The following IFT43 variants were observed in gnomAD, a reference collection of about 807,000 sequenced individuals.
IFT43 encodes the protein intraflagellar transport 43.
IFT43 carries 33 observed loss-of-function variants against 32.3 expected under a neutral mutation model. The observed-to-expected ratio is 1.02, with a 90% CI of 0.77 to 1.37. The LOEUF is 1.37. IFT43 is among the 40% of genes most tolerant of loss of function. IFT43 has a pLI of 0.00. For missense variants in IFT43, 274 were observed against 265.9 expected (o/e 1.03, Z -0.21); for synonymous variants, 93 against 98.2 (o/e 0.95, Z 0.31).
At chr14:76,006,930 C>T (rs115127106) in intron 2 of IFT43, among the ~76,000 whole-genome samples, 2,006 of 150,420 alleles carry the variant, frequency 0.013, 52 homozygotes, top group African/African-American at 0.042. Flanking sequence ...GGATCATGGC[C>T]CACTGGAGCC....
chr14:75,988,675 C>T (rs983515800), intron 1 of IFT43, among the ~76,000 whole-genome samples: 2 of 152,180 alleles, frequency 1.3e-5, no homozygotes, highest in African/African-American at 2.4e-5. Flanking sequence ...CCCGCCACAA[C>T]GCCAGGCTAA....
chr14:75,987,088 G>A (rs566140218), intron 1 of IFT43, among the ~76,000 whole-genome samples: 3 of 152,292 alleles, frequency 2.0e-5, no homozygotes, highest in African/African-American at 7.2e-5. Flanking sequence ...GATCTATACA[G>A]GGTCTTCAAA....
rs559782763 is a variant in IFT43, at chr14:75,998,648, A to G, written c.147+9671A>G. On this transcript the variant is annotated intron_variant, in intron 2 of 8. Coordinates refer to ENST00000314067, the MANE Select transcript of IFT43 (RefSeq NM_001102564.3). Reference sequence around the variant, plus strand: ...GGGTCAGCAGTGTTTGATGCTGCCAAGAGGGTCCAGGAAGGGAAGGCCTGA... The same window carrying G: ...GGGTCAGCAGTGTTTGATGCTGCCAGGAGGGTCCAGGAAGGGAAGGCCTGA... 5.9e-5 allele frequency among the ~76,000 whole-genome samples: 9 copies of G among 152,262 alleles called. No individual in the cohort carries two copies. The South Asian group carries it at 8.3e-4, about 14-fold the overall frequency.
chr14:75,988,956 C>T lies in IFT43; in HGVS notation c.126C>T (p.Ser42=). Residue 42 remains serine (S), a synonymous_variant, in exon 2 of 9, where the codon TCC becomes TCT. Coordinates refer to ENST00000314067, the MANE Select transcript of IFT43 (RefSeq NM_001102564.3). ...AGAATCACCTCAATGGCAAGAATTC[C>T]TCTTTGACTCTGACTGGAGAGGTGG... ...QAENHLNGKN[S]SLTLTGETSS... 6.2e-7 allele frequency: 1 copy of T among 1,613,928 alleles called. No individual in the cohort carries two copies. Among genetic ancestry groups the T allele is most frequent in the Non-Finnish European group, 8.5e-7 (1 of 1,180,008 alleles).
chr14:76,000,262 CTTT>C (rs35001298), intron 2 of IFT43, among the ~76,000 whole-genome samples: 21 of 115,522 alleles, frequency 1.8e-4, no homozygotes, highest in African/African-American at 4.0e-4. Context: ...TAACTGGCTT[CTTT>C]TTTTTTTTTT....
At chr14:76,029,851 T>TTTTTATTTTA (rs58097236) in intron 3 of IFT43, among the ~76,000 whole-genome samples, 34,478 of 117,156 alleles carry the variant, frequency 0.29, 6,017 homozygotes, top group Non-Finnish European at 0.36. Flanking sequence ...TTTATTTTTA[T>TTTTTATTTTA]TTTTATTTTA....
Position 76,083,295 on chromosome 14 carries a change from G to C in IFT43, c.507+6G>C. 1 of 1,613,142 alleles carries C rather than the reference G, an allele frequency of 6.2e-7. No individual in the cohort carries two copies. On this transcript the variant is annotated splice_donor_region_variant and intron_variant, in intron 8 of 8. Coordinates refer to ENST00000314067, the MANE Select transcript of IFT43 (RefSeq NM_001102564.3). ...CGGAGCACGAAGTCCGGGAGGTACA[G>C]TGGTGGCAGCAATTCCCCGGTCTCT... is the stretch of plus-strand genomic sequence containing the variant.
Position 75,985,771 on chromosome 14 carries a change from T to G in IFT43, c.-16T>G. The G allele has an allele frequency of 6.2e-7, 1 of 1,614,082 alleles. No homozygotes were observed. The highest frequency in any genetic ancestry group is 8.5e-7 in the Non-Finnish European group (1 of 1,179,986). ...GCCAGTCGGTTTCCAGGAAGTGACGTCAGGCGGCCGCGGAGATGGAGGATT... is the reference window on the plus strand; with the variant it reads ...GCCAGTCGGTTTCCAGGAAGTGACGGCAGGCGGCCGCGGAGATGGAGGATT... On this transcript the variant is annotated 5_prime_UTR_variant, in exon 1 of 9. Transcript: ENST00000314067.
chr14:75,995,598 G>A (rs931437414), intron 2 of IFT43, among the ~76,000 whole-genome samples: 2 of 152,140 alleles, frequency 1.3e-5, no homozygotes, highest in East Asian at 1.9e-4. Flanking sequence ...TTTGCATTAC[G>A]TCTCTCGCCC....
chr14:76,046,687 A>C (rs1594843059), intron 3 of IFT43, among the ~76,000 whole-genome samples: 1 of 152,214 alleles, frequency 6.6e-6, no homozygotes, highest in African/African-American at 2.4e-5. Context: ...GCCTGAATTA[A>C]CTTACTTGAT....
At chr14:76,016,104 C>G (rs1354660024) in intron 2 of IFT43, among the ~76,000 whole-genome samples, 2 of 152,146 alleles carry the variant, frequency 1.3e-5, no homozygotes, top group Non-Finnish European at 2.9e-5. Flanking sequence ...TTGCAGATAT[C>G]TTCTCCTATA....
At chr14:75,999,245 A>ATATAAATTCATTT (rs2035811590) in intron 2 of IFT43, among the ~76,000 whole-genome samples, 21 of 23,132 alleles carry the variant, frequency 9.1e-4, no homozygotes, top group South Asian at 5.9e-3. Context: ...ATATATATAT[A>ATATAAATTCATTT]TATATATATA....
At chr14:75,997,350 G>T (rs550668443) in intron 2 of IFT43, among the ~76,000 whole-genome samples, 1 of 152,328 alleles carries the variant, frequency 6.6e-6, no homozygotes, top group South Asian at 2.1e-4. Context: ...TGACCTATAT[G>T]AGGTCAACAT....
chr14:76,015,159 C>T (rs988785215), intron 2 of IFT43, among the ~76,000 whole-genome samples: 7 of 152,072 alleles, frequency 4.6e-5, no homozygotes, highest in Non-Finnish European at 7.4e-5. Flanking sequence ...TAATTAAGTC[C>T]GTCTCATCCA....
intron 2 of IFT43, among the ~76,000 whole-genome samples, chr14:76,013,422 A>G (rs1161923157): frequency 6.6e-6 from 1 of 152,174 alleles, no homozygotes; most frequent in African/African-American, 2.4e-5. Flanking sequence ...CACCTCCGGA[A>G]AGGGAAGGCC....
chr14:76,051,389 G>A (rs986304491), intron 3 of IFT43, among the ~76,000 whole-genome samples: 1 of 151,720 alleles, frequency 6.6e-6, no homozygotes, highest in Admixed American at 6.6e-5. Context: ...AGGTGTGGGG[G>A]CAGCTTAGAG....
chr14:76,067,303 C>T (rs1018157229), intron 5 of IFT43, among the ~76,000 whole-genome samples: 2 of 152,252 alleles, frequency 1.3e-5, no homozygotes, highest in African/African-American at 4.8e-5. Context: ...CAGTGGCTCA[C>T]GCCTGTAATC....
intron 3 of IFT43, among the ~76,000 whole-genome samples, chr14:76,026,036 T>C (rs1263943648): frequency 6.6e-5 from 10 of 152,172 alleles, no homozygotes; most frequent in Admixed American, 4.6e-4. Flanking sequence ...GAGAAAACTT[T>C]TGCAAACTAT....
chr14:76,011,932 C>T (rs2036093746), intron 2 of IFT43, among the ~76,000 whole-genome samples: 1 of 152,172 alleles, frequency 6.6e-6, no homozygotes, highest in African/African-American at 2.4e-5. Flanking sequence ...AGTCTTTTCA[C>T]TTGCCAAGCA....
Sources: gnomAD v4.1 joint callset for allele counts (sites outside exome capture counted in the v4.1 genomes callset) on GRCh38, gnomAD v4.1.1 for gene constraint, MANE v1.5 for transcripts, NCBI Gene and HGNC (gene_info 2026-07-23, HGNC 2026-07-21) for gene names.